Variants in PCM1 observed in about 807,000 individuals in gnomAD.
PCM1 encodes pericentriolar material 1 protein.
Under a neutral mutation model 241.9 loss-of-function variants are expected in PCM1, and 157 were observed. That is an observed-to-expected ratio of 0.65 (90% CI 0.57 to 0.74). PCM1 has a LOEUF of 0.74. Among genes scored for constraint, PCM1 ranks in the 30% least tolerant of loss-of-function variants. The pLI, the probability that PCM1 is intolerant of heterozygous loss-of-function variation, is 0.00. For missense variants in PCM1, 3,478 were observed against 2,360.1 expected (o/e 1.47, Z -9.81); for synonymous variants, 1,085 against 784.9 (o/e 1.38, Z -6.39).
chr8:17,923,257 C>T (rs974988191), intron 1 of PCM1, 69 bp downstream of exon 1: 1 of 152,464 alleles, frequency 6.6e-6, no homozygotes, highest in Non-Finnish European at 1.5e-5. Context: ...AGAGTAACGG[C>T]TCCGGGACAC....
rs772458176 is a variant in PCM1, at chr8:17,983,321, T to C, written c.4109-2126T>C. 2.6e-5 allele frequency: 34 copies of C among 1,288,140 alleles called. No homozygotes were observed. The South Asian group carries it at 3.9e-4, about 15-fold the overall frequency. 79.8% of individuals were successfully genotyped at this position (1,288,140 alleles called of 1,614,324 possible). On this transcript the variant is annotated intron_variant, in intron 24 of 38. Transcript: ENST00000325083. ...ATCTGCGTAGTTTTGGTGTCCACTTTTTGTTAATTTTTTCCCATTGGTCCT... is the reference window on the plus strand; with the variant it reads ...ATCTGCGTAGTTTTGGTGTCCACTTCTTGTTAATTTTTTCCCATTGGTCCT...
chr8:17,983,553 G>A (rs753707321), intron 24 of PCM1, among the ~76,000 whole-genome samples: 14 of 151,834 alleles, frequency 9.2e-5, no homozygotes, highest in Admixed American at 1.3e-4. Context: ...CCTTTTTTAC[G>A]GTTTAGTACT....
At chr8:18,021,222 A>G (rs1345635588) in intron 36 of PCM1, among the ~76,000 whole-genome samples, 3 of 152,146 alleles carry the variant, frequency 2.0e-5, no homozygotes, top group Non-Finnish European at 4.4e-5. Context: ...GAGTCCTTCA[A>G]ACTGTCATTA....
chr8:17,957,837 T>C lies in PCM1; in HGVS notation c.2040+62T>C, dbSNP rs2069345374. 4.5e-6 allele frequency: 5 copies of C among 1,116,040 alleles called. No individual in the cohort carries two copies. The South Asian group carries it at 7.1e-5, about 16-fold the overall frequency. The allele number at this position is 1,116,040 out of a possible 1,614,324, so 69.1% of individuals were successfully genotyped here. On this transcript the variant is annotated intron_variant, in intron 13 of 38. Transcript: ENST00000325083. ...AAATAGTACAGTCTTAAGTAAAATT[T>C]GTGTATGATAATTACTTTGGTTTAA...
At chr8:17,997,758 G>T (rs775430596) in intron 29 of PCM1, among the ~76,000 whole-genome samples, 27 of 151,498 alleles carry the variant, frequency 1.8e-4, no homozygotes, top group Non-Finnish European at 3.4e-4. Context: ...AGGTGCTATG[G>T]CTCACACCTG....
chr8:17,942,437 CAG>C (rs1279862437), intron 6 of PCM1, among the ~76,000 whole-genome samples: 2 of 151,230 alleles, frequency 1.3e-5, no homozygotes, highest in Admixed American at 1.3e-4. Flanking sequence ...GCATGGGTGA[CAG>C]AGTGAGACTG....
At chr8:17,930,557 G>A (rs2129447033) in intron 2 of PCM1, among the ~76,000 whole-genome samples, 1 of 152,264 alleles carries the variant, frequency 6.6e-6, no homozygotes, top group South Asian at 2.1e-4. Flanking sequence ...TTACTCTTAT[G>A]AGGGAGATAC....
intron 36 of PCM1, among the ~76,000 whole-genome samples, chr8:18,021,966 A>G (rs1054956517): frequency 6.6e-6 from 1 of 152,194 alleles, no homozygotes; most frequent in Admixed American, 6.5e-5. Context: ...TGAACTGCCT[A>G]CCAGTGATGA....
chr8:17,926,857 A>C (rs2057178034), intron 2 of PCM1: 1 of 152,160 alleles, frequency 6.6e-6, no homozygotes, highest in South Asian at 2.1e-4. Flanking sequence ...AGAAAGAGGA[A>C]CTTCAGAAGT....
chr8:17,945,877 C>T (rs2063611042), intron 6 of PCM1, among the ~76,000 whole-genome samples: 1 of 151,996 alleles, frequency 6.6e-6, no homozygotes, highest in East Asian at 1.9e-4. Flanking sequence ...AATTTGTTAG[C>T]AGTACAAATT....
At position 17,972,541 on chromosome 8, in the gene PCM1, A is replaced by C. The variant is rs1279809116; in HGVS notation, c.3797A>C (p.Asp1266Ala). 2 of 1,613,768 alleles carry C rather than the reference A, an allele frequency of 1.2e-6. No homozygotes were observed. The highest frequency in any genetic ancestry group is 1.3e-5 in the African/African-American group (1 of 74,948). ...ESLESFSSMP[D>A]PVDPTTVTKT... ...CTGGAAAGCTTTAGCAGTATGCCTG[A>C]TCCAGTAGATCCAACAACAGTGACT... Residue 1266 changes from aspartate (D) to alanine (A), a missense_variant, in exon 23 of 39, where the codon GAT becomes GCT. By Grantham distance (126) the Asp-to-Ala change is moderately radical. Transcript: ENST00000325083.
rs747840682 is a variant in PCM1, at chr8:17,957,751, A to G, written c.2016A>G (p.Leu672=). Residue 672 remains leucine, a synonymous_variant, in exon 13 of 39, where the codon TTA becomes TTG. Transcript: ENST00000325083. ...LMAAKQKLRQ[L]QDLVAMVQDD... ...CTGCAAAACAGAAACTTAGACAGTT[A>G]CAAGATCTTGTTGCTATGGTACAGG... is the stretch of plus-strand genomic sequence containing the variant. 1.2e-6 allele frequency: 2 copies of G among 1,612,994 alleles called. No homozygotes were observed. Among genetic ancestry groups the G allele is most frequent in the South Asian group, 2.2e-5 (2 of 91,046 alleles).
intron 9 of PCM1, among the ~76,000 whole-genome samples, chr8:17,954,759 A>T (rs1422294282): frequency 6.6e-6 from 1 of 152,226 alleles, no homozygotes; most frequent in African/African-American, 2.4e-5. Context: ...TTAATCTTTA[A>T]TTCCTCTTGA....
intron 26 of PCM1, among the ~76,000 whole-genome samples, chr8:17,988,975 A>G (rs535271861): frequency 1.3e-4 from 19 of 151,996 alleles, no homozygotes; most frequent in Admixed American, 3.9e-4. Flanking sequence ...AGAAATGAAA[A>G]TATGCATCAC....
intron 38 of PCM1, 79 bp downstream of exon 38, chr8:18,025,737 A>G: frequency 1.2e-6 from 1 of 802,878 alleles, no homozygotes. Context: ...TATTTTTTAA[A>G]TATGCTACTA....
At chr8:17,953,644 C>T (rs1231507791) in intron 9 of PCM1, among the ~76,000 whole-genome samples, 1 of 152,004 alleles carries the variant, frequency 6.6e-6, no homozygotes, top group Non-Finnish European at 1.5e-5. Context: ...GTCTAGAGAG[C>T]CCAGAACTTC....
At chr8:18,005,883 CA>C (rs2091165537) in intron 29 of PCM1, among the ~76,000 whole-genome samples, 1 of 151,934 alleles carries the variant, frequency 6.6e-6, no homozygotes, top group African/African-American at 2.4e-5. Flanking sequence ...GAATTGGGTA[CA>C]AGGTGAGTAT....
chr8:17,970,825 A>G (rs541825608), intron 22 of PCM1, among the ~76,000 whole-genome samples: 3 of 152,258 alleles, frequency 2.0e-5, no homozygotes, highest in South Asian at 4.1e-4. Flanking sequence ...ATTATTTTAG[A>G]TATTTGGCCT....
intron 22 of PCM1, among the ~76,000 whole-genome samples, chr8:17,970,730 C>T (rs2076558979): frequency 6.6e-6 from 1 of 152,064 alleles, no homozygotes; most frequent in East Asian, 1.9e-4. Flanking sequence ...GTCCCTACTT[C>T]ATTATTTTCA....
Sources: allele counts gnomAD v4.1 joint callset (sites outside exome capture counted in the v4.1 genomes callset), GRCh38; gene constraint gnomAD v4.1.1; transcripts MANE v1.5; gene names NCBI Gene and HGNC (gene_info 2026-07-23, HGNC 2026-07-21).